FRMPD1: variants seen among roughly 807,000 people sequenced by gnomAD.
FRMPD1 encodes FERM and PDZ domain-containing protein 1.
In FRMPD1, 76 loss-of-function variants were observed where a neutral mutation model predicts 117.8. The observed-to-expected ratio is 0.65, with a 90% CI of 0.54 to 0.78. The LOEUF (loss-of-function observed/expected upper bound fraction) is 0.78, where lower values mean the gene tolerates loss of function less well. FRMPD1 is among the 30% of genes least tolerant of loss of function. The pLI, the probability that FRMPD1 is intolerant of heterozygous loss-of-function variation, is 0.00. For synonymous variants in FRMPD1, 783 were observed against 770.4 expected, an observed-to-expected ratio of 1.02 and a Z score of -0.27; for missense variants, 1,786 against 1,964.5, an observed-to-expected ratio of 0.91 and a Z score of 1.72.
At chr9:37,689,904 A>G (rs1412971900) in intron 1 of FRMPD1, among the ~76,000 whole-genome samples, 3 of 152,048 alleles carry the variant, frequency 2.0e-5, no homozygotes, top group Non-Finnish European at 4.4e-5. Flanking sequence ...GTTTGTATGT[A>G]ATCTTTTTTT....
intron 1 of FRMPD1, among the ~76,000 whole-genome samples, chr9:37,678,864 GC>G (rs1278883440): frequency 6.6e-6 from 1 of 152,244 alleles, no homozygotes; most frequent in Non-Finnish European, 1.5e-5. Flanking sequence ...TCAGGGCAGG[GC>G]CCAGAATAGC....
chr9:37,713,169 T>G (rs1016292562), intron 5 of FRMPD1, among the ~76,000 whole-genome samples: 1 of 152,156 alleles, frequency 6.6e-6, no homozygotes, highest in Admixed American at 6.5e-5. Context: ...AAGAAAACCT[T>G]TTTTAAAAAG....
Position 37,740,433 on chromosome 9 carries a change from C to G in FRMPD1, c.1905C>G (p.Leu635=). 1 of 1,614,142 alleles carries G rather than the reference C, an allele frequency of 6.2e-7. No homozygotes were observed. The highest frequency in any genetic ancestry group is 1.1e-5 in the South Asian group (1 of 91,076). ...STFFHFGSPG[L]AESIDSDSQE... is the part of the protein sequence containing the mutation. Reference sequence around the variant, plus strand: ...TCTTCCACTTTGGCTCGCCAGGCCTCGCAGAGAGCATTGACTCTGACAGCC... The same window carrying G: ...TCTTCCACTTTGGCTCGCCAGGCCTGGCAGAGAGCATTGACTCTGACAGCC... The change falls in exon 15 of 16, where the codon CTC becomes CTG. Residue 635 remains leucine (L), a synonymous_variant. Transcript: ENST00000377765. This position sits in a 1 kb window ranked among gnomAD's most constrained non-coding sequence, Gnocchi z 4.2.
chr9:37,609,055 C>G, the FRMPD1 span, among the ~76,000 whole-genome samples: 1 of 152,214 alleles, frequency 6.6e-6, no homozygotes, highest in Non-Finnish European at 1.5e-5. Flanking sequence ...CTTTGGGAGG[C>G]TGAGGCGGGC....
At chr9:37,693,413 T>C (rs1360968994) in intron 2 of FRMPD1, 1 of 152,294 alleles carries the variant, frequency 6.6e-6, no homozygotes, top group Admixed American at 6.5e-5. Flanking sequence ...GTCAGGTGTT[T>C]CTGAGACACA....
At chr9:37,641,400 T>C in the FRMPD1 span, among the ~76,000 whole-genome samples, 4 of 152,246 alleles carry the variant, frequency 2.6e-5, no homozygotes, top group Admixed American at 2.6e-4. Context: ...CTAGGTGCTT[T>C]ATCCTTACTA....
rs755679520 is a variant in FRMPD1, at chr9:37,740,434, G to T, written c.1906G>T (p.Ala636Ser). The T allele has an allele frequency of 6.2e-7, 1 of 1,614,126 alleles. No homozygotes were observed. Among genetic ancestry groups the T allele is most frequent in the East Asian group, 2.2e-5 (1 of 44,882 alleles). ...CTTCCACTTTGGCTCGCCAGGCCTC[G>T]CAGAGAGCATTGACTCTGACAGCCA... The part of the protein sequence containing the change: ...TFFHFGSPGL[A>S]ESIDSDSQEE... Residue 636 changes from alanine to serine, a missense_variant, in exon 15 of 16, where the codon GCA (alanine) becomes TCA (serine). Coordinates refer to ENST00000377765, the MANE Select transcript of FRMPD1 (RefSeq NM_014907.3). This position sits in a 1 kb window ranked among gnomAD's most constrained non-coding sequence, Gnocchi z 4.2.
intron 1 of FRMPD1, among the ~76,000 whole-genome samples, chr9:37,667,512 A>G (rs1431118747): frequency 8.3e-6 from 1 of 120,082 alleles, no homozygotes; most frequent in African/African-American, 3.7e-5. Context: ...ATCTCTACTA[A>G]AAATTAAAAA....
the FRMPD1 span, among the ~76,000 whole-genome samples, chr9:37,618,085 T>C: frequency 2.6e-5 from 4 of 152,276 alleles, no homozygotes; most frequent in Admixed American, 2.6e-4. Context: ...AAATGGTGCA[T>C]GAGGCAATTA....
chr9:37,666,019 T>G (rs1316963100), intron 1 of FRMPD1, among the ~76,000 whole-genome samples: 1 of 152,162 alleles, frequency 6.6e-6, no homozygotes, highest in Non-Finnish European at 1.5e-5. Context: ...GCCATACATC[T>G]CCAAAGAGCT....
At position 37,735,689 on chromosome 9, in the gene FRMPD1, G is replaced by A. The variant is rs748161906; in HGVS notation, c.1356G>A (p.Glu452=). 6.2e-7 allele frequency: 1 copy of A among 1,613,870 alleles called. No individual in the cohort carries two copies. Among genetic ancestry groups the A allele is most frequent in the Admixed American group, 1.7e-5 (1 of 60,010 alleles). Residue 452 remains glutamate, a synonymous_variant, in exon 13 of 16, where the codon GAG becomes GAA. Transcript: ENST00000377765. ...TCAGCCGTGTAGAGCTAACGGAAGA[G>A]TCTGAGAAAGTGAGCGTCGTCAAAG... ...ANISRVELTE[E]SEKVSVVKVY... is the part of the protein sequence containing the mutation.
Position 37,740,830 on chromosome 9 carries a change from G to T in FRMPD1, c.2302G>T (p.Asp768Tyr). ...PPLAFEDGSSDEEYYDAADKL... is the reference protein window; with the variant it reads ...PPLAFEDGSSYEEYYDAADKL... ...ACTGGCCTTTGAGGATGGCAGCTCA[G>T]ATGAGGAATACTATGACGCGGCTGA... is the stretch of plus-strand genomic sequence containing the variant. The change falls in exon 15 of 16, where the codon GAT (aspartate) becomes TAT (tyrosine). Residue 768 changes from aspartate (D) to tyrosine (Y), a missense_variant. Physicochemically the swap from Asp to Tyr is radical, Grantham distance 160. Coordinates refer to ENST00000377765, the MANE Select transcript of FRMPD1 (RefSeq NM_014907.3). This position sits in a 1 kb window ranked among gnomAD's most constrained non-coding sequence, Gnocchi z 4.2. 1.9e-6 allele frequency: 3 copies of T among 1,614,198 alleles called. No homozygotes were observed. Among genetic ancestry groups the T allele is most frequent in the Non-Finnish European group, 2.5e-6 (3 of 1,180,026 alleles).
intron 1 of FRMPD1, chr9:37,669,656 A>G (rs1352350308): frequency 6.6e-6 from 1 of 152,066 alleles, no homozygotes; most frequent in East Asian, 1.9e-4. Flanking sequence ...TTACTACTAT[A>G]CACACACACC....
intron 1 of FRMPD1, among the ~76,000 whole-genome samples, chr9:37,660,953 A>G (rs993118802): frequency 6.6e-5 from 10 of 152,274 alleles, no homozygotes; most frequent in Admixed American, 1.3e-4. Flanking sequence ...ATTGGTCTCT[A>G]CAGTCATCAG....
the FRMPD1 span, among the ~76,000 whole-genome samples, chr9:37,608,400 ATCTT>A: frequency 8.5e-6 from 1 of 117,092 alleles, no homozygotes; most frequent in African/African-American, 3.1e-5. Context: ...TTTTTTTTCT[ATCTT>A]TCTCTCTTTC....
chr9:37,716,830 C>A (rs1823142044), intron 5 of FRMPD1, among the ~76,000 whole-genome samples: 1 of 152,174 alleles, frequency 6.6e-6, no homozygotes, highest in Admixed American at 6.5e-5. Context: ...GTTTCTCATG[C>A]ACCCTCTTTT....
intron 1 of FRMPD1, among the ~76,000 whole-genome samples, chr9:37,651,451 C>T (rs1322140414): frequency 6.6e-6 from 1 of 152,234 alleles, no homozygotes; most frequent in Non-Finnish European, 1.5e-5. Flanking sequence ...CCTCTCTGTC[C>T]GTCCTCGATG....
chr9:37,736,290 C>T (rs964572629), intron 13 of FRMPD1, among the ~76,000 whole-genome samples: 9 of 151,732 alleles, frequency 5.9e-5, no homozygotes, highest in African/African-American at 7.3e-5. Flanking sequence ...CGTGAGCCAC[C>T]GCGCCCGGCC....
chr9:37,645,919 A>G, the FRMPD1 span, among the ~76,000 whole-genome samples: 1 of 152,176 alleles, frequency 6.6e-6, no homozygotes, highest in Non-Finnish European at 1.5e-5. Context: ...CTCAGGGAAC[A>G]TTGGTTGTCA....
Sources: allele counts gnomAD v4.1 joint callset (sites outside exome capture counted in the v4.1 genomes callset), GRCh38; gene constraint gnomAD v4.1.1; non-coding constraint Gnocchi (gnomAD v3.1); transcripts MANE v1.5; gene names NCBI Gene and HGNC (gene_info 2026-07-23, HGNC 2026-07-21).